GRM8: variants seen among roughly 807,000 people sequenced by gnomAD.
GRM8 encodes glutamate metabotropic receptor 8, also known as metabotropic glutamate receptor 8.
A neutral mutation model predicts 87.2 loss-of-function variants in GRM8; 47 were observed. The observed-to-expected ratio is 0.54, with a 90% confidence interval of 0.43 to 0.69. The LOEUF is 0.69. Among genes scored for constraint, GRM8 ranks in the 30% least tolerant of loss-of-function variants. GRM8 has a pLI of 0.00. For synonymous variants in GRM8, 396 were observed against 404.5 expected (o/e 0.98, Z 0.25); for missense variants, 1,019 against 1,139.2 (o/e 0.89, Z 1.52).
At chr7:126,622,834 TTC>T (rs1350601003) in intron 7 of GRM8, among the ~76,000 whole-genome samples, 1 of 152,202 alleles carries the variant, frequency 6.6e-6, no homozygotes, top group African/African-American at 2.4e-5. Context: ...ACTTTCTTAT[TTC>T]TCTTTTACTC....
intron 8 of GRM8, among the ~76,000 whole-genome samples, chr7:126,602,378 C>G (rs1454189380): frequency 1.5e-4 from 20 of 130,118 alleles, no homozygotes; most frequent in African/African-American, 4.9e-4. Context: ...ATGCCTCCAG[C>G]TTTGTTCTTT....
intron 2 of GRM8, among the ~76,000 whole-genome samples, chr7:127,114,101 C>G (rs1330378778): frequency 1.3e-5 from 2 of 152,188 alleles, no homozygotes; most frequent in Non-Finnish European, 1.5e-5. Context: ...ATTCCTTCCC[C>G]AAATCAGGAC....
chr7:126,826,040 G>T (rs1472140865), intron 6 of GRM8, among the ~76,000 whole-genome samples: 2 of 152,126 alleles, frequency 1.3e-5, no homozygotes, highest in African/African-American at 4.8e-5. Context: ...TCCCTACAAA[G>T]GACATGAACT....
At chr7:126,770,155 A>C in intron 6 of GRM8, 90 bp from the exon 7 acceptor site, 3 of 785,238 alleles carry the variant, frequency 3.8e-6, no homozygotes, top group Non-Finnish European at 6.4e-6. Context: ...TTTGAGGAAC[A>C]CTTAATGAGA....
intron 9 of GRM8, among the ~76,000 whole-genome samples, chr7:126,524,969 A>AT (rs567708625): frequency 3.5e-4 from 53 of 149,382 alleles, no homozygotes; most frequent in East Asian, 7.8e-4. Context: ...TACCTGTGGG[A>AT]TTTTTTTTTT....
chr7:126,776,504 T>C (rs1465198335), intron 6 of GRM8, among the ~76,000 whole-genome samples: 4 of 152,196 alleles, frequency 2.6e-5, no homozygotes, highest in Non-Finnish European at 5.9e-5. Context: ...TCTGTGCTAT[T>C]TATTATATCC....
At chr7:126,463,312 G>C (rs550982293) in intron 9 of GRM8, among the ~76,000 whole-genome samples, 2 of 151,494 alleles carry the variant, frequency 1.3e-5, no homozygotes, top group African/African-American at 4.8e-5. Flanking sequence ...CATATACTTT[G>C]AATTATTTTC....
At chr7:127,084,312 A>C (rs909049982) in intron 3 of GRM8, 4 of 152,230 alleles carry the variant, frequency 2.6e-5, no homozygotes, top group African/African-American at 4.8e-5. Flanking sequence ...ATTTGCAAAC[A>C]CTAGAATTTT....
At chr7:126,708,472 G>A in intron 7 of GRM8, among the ~76,000 whole-genome samples, 1 of 151,712 alleles carries the variant, frequency 6.6e-6, no homozygotes. Context: ...TATGGAATCA[G>A]CCTAAGTGTC....
At chr7:126,980,786 C>T (rs570047872) in intron 3 of GRM8, among the ~76,000 whole-genome samples, 2 of 152,298 alleles carry the variant, frequency 1.3e-5, no homozygotes, top group South Asian at 4.2e-4. Flanking sequence ...ATTTCTCATA[C>T]ATGAATCTCT....
At chr7:126,634,220 GC>G (rs796366048) in intron 7 of GRM8, among the ~76,000 whole-genome samples, 37 of 152,216 alleles carry the variant, frequency 2.4e-4, no homozygotes, top group African/African-American at 8.7e-4. Flanking sequence ...TTTTAAAGTG[GC>G]TTTTAGATGT....
rs73447039 is a variant in GRM8 at position 126,527,016 on chromosome 7, G to A, written c.2430+5936C>T. Among the ~76,000 whole-genome samples the A allele has an allele frequency of 3.2e-3, 482 of 152,268 alleles. 1 individual carries two copies. Among genetic ancestry groups the A allele is most frequent in the African/African-American group, 0.011 (440 of 41,564 alleles). On this transcript the variant is annotated intron_variant, in intron 9 of 10. Coordinates refer to ENST00000339582, the MANE Select transcript of GRM8 (RefSeq NM_000845.3). ...TTAAATAGTTCTGTAATGTGGCACC[G>A]TTAAAAAGGATCTGCTTCAAATGAC...
intron 10 of GRM8, among the ~76,000 whole-genome samples, chr7:126,444,498 G>A (rs371667787): frequency 2.6e-5 from 4 of 152,194 alleles, no homozygotes; most frequent in South Asian, 2.1e-4. Flanking sequence ...TTCTCTACAC[G>A]TGACTAAATT....
chr7:126,737,966 C>G (rs1431719752), intron 7 of GRM8, among the ~76,000 whole-genome samples: 1 of 151,954 alleles, frequency 6.6e-6, no homozygotes, highest in African/African-American at 2.4e-5. Context: ...GACTTTTGAC[C>G]TCAGTTTTGA....
At chr7:126,573,031 C>T (rs973132769) in intron 8 of GRM8, among the ~76,000 whole-genome samples, 3 of 152,194 alleles carry the variant, frequency 2.0e-5, no homozygotes, top group South Asian at 2.1e-4. Flanking sequence ...TGCATTAGAA[C>T]GTTAAGCGAT....
rs557210058 is a variant in GRM8, at chr7:127,252,308, G to C, written c.-312+489C>G. On this transcript the variant is annotated intron_variant, in intron 1 of 10. Coordinates refer to ENST00000339582, the MANE Select transcript of GRM8 (RefSeq NM_000845.3). The surrounding 1 kb of genome is among the most constrained non-coding windows in gnomAD (Gnocchi z 4.9). ...TCTCCCATTCGCCGACTAAACTTTTGGGGGATCACATCTCCAAGCCTTGGG... is the reference window on the plus strand; with the variant it reads ...TCTCCCATTCGCCGACTAAACTTTTCGGGGATCACATCTCCAAGCCTTGGG... 1 of 152,310 alleles carries C rather than the reference G, an allele frequency of 6.6e-6. No homozygotes were observed. The highest frequency in any genetic ancestry group is 2.1e-4 in the South Asian group (1 of 4,820). The allele number at this position is 152,310 out of a possible 1,614,324, so 9.4% of individuals were successfully genotyped here.
intron 3 of GRM8, among the ~76,000 whole-genome samples, chr7:127,039,561 G>A (rs1295143801): frequency 6.7e-6 from 1 of 149,972 alleles, no homozygotes; most frequent in African/African-American, 2.5e-5. Flanking sequence ...GAGGGAGCCT[G>A]TGGAGGGTGG....
intron 7 of GRM8, among the ~76,000 whole-genome samples, chr7:126,696,923 A>G (rs2151384768): frequency 6.6e-6 from 1 of 152,272 alleles, no homozygotes; most frequent in African/African-American, 2.4e-5. Flanking sequence ...CCGCACGCCA[A>G]TGTTCGTTGC....
In GRM8 at chr7:126,499,496, T is replaced by C. The variant is rs79134205; in HGVS notation, c.2430+33456A>G. On this transcript the variant is annotated intron_variant, in intron 9 of 10. Transcript: ENST00000339582. ...CCCAAAGAAAATGACATCGGTATGA[T>C]GAAGGGATGTCTGCACTCCCGTGTT... 4.6e-5 allele frequency among the ~76,000 whole-genome samples: 7 copies of C among 151,922 alleles called. No homozygotes were observed. In the East Asian group the frequency reaches 1.4e-3, roughly 30 times the overall value.
Sources: gnomAD v4.1 joint callset for allele counts (sites outside exome capture counted in the v4.1 genomes callset) on GRCh38, gnomAD v4.1.1 for gene constraint, Gnocchi (gnomAD v3.1) non-coding constraint, MANE v1.5 for transcripts, NCBI Gene and HGNC (gene_info 2026-07-23, HGNC 2026-07-21) for gene names.